The following R3HDM2 variants were observed in gnomAD, a reference collection of about 807,000 sequenced individuals.
R3HDM2 encodes R3H domain-containing protein 2.
R3HDM2 carries 38 observed loss-of-function variants against 124.5 expected under a neutral mutation model. The ratio of observed to expected loss-of-function variants is 0.31; its 90% confidence interval spans 0.24 to 0.40. The LOEUF is 0.40. R3HDM2 is among the 10% of genes least tolerant of loss of function. The probability of loss-of-function intolerance (pLI) is 1.00; values close to 1 mark genes in which losing one functional copy is unlikely to be tolerated. For synonymous variants in R3HDM2, 391 were observed against 448.0 expected (o/e 0.87, Z 1.61); for missense variants, 869 against 1,236.9 (o/e 0.70, Z 4.46).
At chr12:57,428,541 G>A (rs2139744309) in intron 1 of R3HDM2, among the ~76,000 whole-genome samples, 1 of 151,038 alleles carries the variant, frequency 6.6e-6, no homozygotes, top group South Asian at 2.1e-4. Context: ...TGTAGTCCCA[G>A]CTACCCAGGA....
At chr12:57,340,582 C>T (rs61937622) in intron 2 of R3HDM2, among the ~76,000 whole-genome samples, 18 of 151,976 alleles carry the variant, frequency 1.2e-4, no homozygotes, top group Non-Finnish European at 2.1e-4. Flanking sequence ...TATAATTGAA[C>T]TATCATAGAA....
At chr12:57,430,536 C>T (rs913440543) in intron 1 of R3HDM2, 184 bp downstream of exon 1, 8 of 984,912 alleles carry the variant, frequency 8.1e-6, no homozygotes, top group African/African-American at 1.7e-5. Context: ...TTCTCTCCAG[C>T]AGCGCACACT....
At position 57,280,487 on chromosome 12, in the gene R3HDM2, T is replaced by C; in HGVS notation, c.1215A>G (p.Ser405=). ...GGAGAAGCCCCCGGACAGACTGGGATGAGGTGACCTGGTTGCACACTTCTG... is the reference window on the plus strand; with the variant it reads ...GGAGAAGCCCCCGGACAGACTGGGACGAGGTGACCTGGTTGCACACTTCTG... ...GAPEVCNQVT[S]SQSVRGLLPC... is the part of the protein sequence containing the mutation. The change falls in exon 14 of 24, where the codon TCA becomes TCG. Residue 405 remains serine, a synonymous_variant. Transcript: ENST00000402412. 6.2e-7 allele frequency: 1 copy of C among 1,613,678 alleles called. No homozygotes were observed. Among genetic ancestry groups the C allele is most frequent in the African/African-American group, 1.3e-5 (1 of 75,020 alleles).
chr12:57,405,828 T>G (rs529332565), intron 1 of R3HDM2, among the ~76,000 whole-genome samples: 105 of 152,224 alleles, frequency 6.9e-4, no homozygotes, highest in African/African-American at 2.3e-3. Context: ...CATTTCTCCA[T>G]AAAAGGAACC....
chr12:57,265,945 C>T (rs541253516), intron 19 of R3HDM2, among the ~76,000 whole-genome samples: 10 of 151,654 alleles, frequency 6.6e-5, no homozygotes, highest in Non-Finnish European at 1.0e-4. Flanking sequence ...TACAGATGCA[C>T]GCCACCATGC....
intron 2 of R3HDM2, among the ~76,000 whole-genome samples, chr12:57,385,721 T>A (rs1490738781): frequency 6.7e-6 from 1 of 150,334 alleles, no homozygotes; most frequent in South Asian, 2.1e-4. Context: ...TAGTAACATA[T>A]GAGATGTGTG....
At chr12:57,258,730 A>G (rs1367034611) in intron 20 of R3HDM2, among the ~76,000 whole-genome samples, 160 bp downstream of exon 20, 3 of 152,010 alleles carry the variant, frequency 2.0e-5, no homozygotes, top group Non-Finnish European at 4.4e-5. Context: ...CTTATATATT[A>G]GGTTCCTTAA....
chr12:57,291,984 A>G (rs545704242), intron 11 of R3HDM2, among the ~76,000 whole-genome samples: 24 of 152,250 alleles, frequency 1.6e-4, no homozygotes, highest in Non-Finnish European at 3.2e-4. Flanking sequence ...GTCCTGTTGT[A>G]GGAAGCAAGG....
chr12:57,273,518 A>G (rs1391624173), intron 14 of R3HDM2, among the ~76,000 whole-genome samples: 1 of 152,210 alleles, frequency 6.6e-6, no homozygotes, highest in Non-Finnish European at 1.5e-5. Flanking sequence ...TATTACATAC[A>G]TTGTCTCATT....
intron 2 of R3HDM2, among the ~76,000 whole-genome samples, chr12:57,373,461 T>C (rs2063621426): frequency 6.6e-6 from 1 of 151,922 alleles, no homozygotes; most frequent in Non-Finnish European, 1.5e-5. Flanking sequence ...ATCGCGCCAC[T>C]GCACTCCAGC....
chr12:57,267,449 G>A (rs1043312832), intron 18 of R3HDM2, among the ~76,000 whole-genome samples: 1 of 152,194 alleles, frequency 6.6e-6, no homozygotes, highest in African/African-American at 2.4e-5. Context: ...CAGCTACTCA[G>A]GAGGCTGAGA....
At chr12:57,275,817 A>C (rs1378087833) in intron 14 of R3HDM2, among the ~76,000 whole-genome samples, 2 of 152,204 alleles carry the variant, frequency 1.3e-5, no homozygotes, top group African/African-American at 4.8e-5. Context: ...AAATCAAAAA[A>C]CAGCAGATGT....
At chr12:57,303,260 C>A in intron 3 of R3HDM2, 43 bp from the exon 4 acceptor site, 2 of 1,449,488 alleles carry the variant, frequency 1.4e-6, no homozygotes, top group Non-Finnish European at 9.5e-7. Flanking sequence ...GGAAGAAAAT[C>A]GACATGTAAG....
At chr12:57,358,249 A>G (rs2061513034) in intron 2 of R3HDM2, among the ~76,000 whole-genome samples, 1 of 152,020 alleles carries the variant, frequency 6.6e-6, no homozygotes, top group Non-Finnish European at 1.5e-5. Flanking sequence ...GGCCTCCCAA[A>G]GTGCTGGGGT....
chr12:57,311,223 T>TTA (rs906914579), intron 2 of R3HDM2, among the ~76,000 whole-genome samples: 1,989 of 149,204 alleles, frequency 0.013, 26 homozygotes, highest in African/African-American at 0.042. Context: ...CTATAAAATC[T>TTA]TATATATATA....
At chr12:57,429,319 C>A (rs986825591) in intron 1 of R3HDM2, among the ~76,000 whole-genome samples, 10 of 152,168 alleles carry the variant, frequency 6.6e-5, no homozygotes, top group Non-Finnish European at 1.3e-4. Context: ...GTTCATCAGG[C>A]CTTCAAGAAA....
intron 2 of R3HDM2, among the ~76,000 whole-genome samples, chr12:57,333,796 A>C (rs1295312196): frequency 6.6e-6 from 1 of 151,742 alleles, no homozygotes; most frequent in African/African-American, 2.4e-5. Context: ...TAATCCCAGC[A>C]CTTTTGGAGG....
At chr12:57,262,306 A>G (rs2041087596) in intron 19 of R3HDM2, among the ~76,000 whole-genome samples, 1 of 152,154 alleles carries the variant, frequency 6.6e-6, no homozygotes, top group Admixed American at 6.5e-5. Flanking sequence ...CTATTTCTGT[A>G]TGCATTTCAC....
rs555905609 is a variant in R3HDM2 at position 57,315,746 on chromosome 12, T to C, written c.-35-5283A>G. Reference sequence around the variant, plus strand: ...GGAGACACATGGCTTCCTTCATTCATTGGAGAAACAGGAAGACTTGAACTT... The same window carrying C: ...GGAGACACATGGCTTCCTTCATTCACTGGAGAAACAGGAAGACTTGAACTT... On this transcript the variant is annotated intron_variant, in intron 2 of 23. Coordinates refer to ENST00000402412, the MANE Select transcript of R3HDM2 (RefSeq NM_001394031.1). 2.0e-5 allele frequency among the ~76,000 whole-genome samples: 3 copies of C among 152,316 alleles called. No homozygotes were observed. The East Asian group carries it at 5.8e-4, about 29-fold the overall frequency.
Sources: gnomAD v4.1 joint callset for allele counts (sites outside exome capture counted in the v4.1 genomes callset) on GRCh38, gnomAD v4.1.1 for gene constraint, MANE v1.5 for transcripts, NCBI Gene and HGNC (gene_info 2026-07-23, HGNC 2026-07-21) for gene names.